Variants in ANTXR1 observed in about 807,000 individuals in gnomAD.
ANTXR1 encodes the protein anthrax toxin receptor 1.
ANTXR1 carries 19 observed loss-of-function variants against 78.1 expected under a neutral mutation model. The ratio of observed to expected loss-of-function variants is 0.24; its 90% CI spans 0.17 to 0.36. The LOEUF (loss-of-function observed/expected upper bound fraction) is 0.36, where lower values mean the gene tolerates loss of function less well. ANTXR1 is among the 10% of genes least tolerant of loss of function. The pLI, the probability that ANTXR1 is intolerant of heterozygous loss-of-function variation, is 1.00. For synonymous variants in ANTXR1, 273 were observed against 260.5 expected (o/e 1.05, Z -0.46); for missense variants, 518 against 718.6 (o/e 0.72, Z 3.19).
chr2:69,213,466 A>C (rs1675099129), intron 17 of ANTXR1, among the ~76,000 whole-genome samples: 2 of 152,258 alleles, frequency 1.3e-5, no homozygotes, highest in African/African-American at 4.8e-5. Context: ...TAAAGGGACC[A>C]GAGCTTCTAT....
chr2:69,124,726 G>A (rs1296781077), intron 12 of ANTXR1, 83 bp downstream of exon 12: 1 of 1,509,146 alleles, frequency 6.6e-7, no homozygotes, highest in South Asian at 1.1e-5. Flanking sequence ...CTTCTCCAAA[G>A]GTACCCTGGA....
intron 17 of ANTXR1, among the ~76,000 whole-genome samples, chr2:69,204,546 T>C (rs976985829): frequency 6.6e-6 from 1 of 152,152 alleles, no homozygotes; most frequent in Admixed American, 6.5e-5. Flanking sequence ...CTTTTTAATA[T>C]AGGAAAGATG....
Position 69,016,332 on chromosome 2 carries a change from T to C in ANTXR1, c.152+2681T>C, listed in dbSNP as rs899713707. On this transcript the variant is annotated intron_variant, in intron 1 of 17. Transcript: ENST00000303714. ...GACAAGAAGATAATTTGGCGACACATATAAAATGCTTTTAAAAAATGAGGG... is the reference window on the plus strand; with the variant it reads ...GACAAGAAGATAATTTGGCGACACACATAAAATGCTTTTAAAAAATGAGGG... Among the ~76,000 whole-genome samples, 9 of 152,324 alleles carry C rather than the reference T, an allele frequency of 5.9e-5. No homozygotes were observed. The East Asian group carries it at 1.3e-3, about 23-fold the overall frequency.
intron 3 of ANTXR1, 95 bp downstream of exon 3, chr2:69,044,908 A>G: frequency 8.1e-7 from 1 of 1,237,272 alleles, no homozygotes; most frequent in South Asian, 1.2e-5. Context: ...CCTGTTGATC[A>G]CTTTAATCTA....
intron 1 of ANTXR1, among the ~76,000 whole-genome samples, chr2:69,021,749 G>A (rs534493347): frequency 2.6e-5 from 4 of 152,316 alleles, no homozygotes; most frequent in Non-Finnish European, 4.4e-5. Flanking sequence ...TACTGAAAAC[G>A]TATAATTATA....
At chr2:69,032,817 A>G (rs1671567429) in intron 1 of ANTXR1, among the ~76,000 whole-genome samples, 1 of 152,116 alleles carries the variant, frequency 6.6e-6, no homozygotes, top group African/African-American at 2.4e-5. Flanking sequence ...AAAGGAGTGC[A>G]TATTTTGCTG....
chr2:69,244,646 A>G (rs1675970851), intron 17 of ANTXR1, among the ~76,000 whole-genome samples: 1 of 152,244 alleles, frequency 6.6e-6, no homozygotes, highest in African/African-American at 2.4e-5. Context: ...TCCTTGAATT[A>G]CAATATAGGA....
At chr2:69,222,982 A>G (rs1181800697) in intron 17 of ANTXR1, among the ~76,000 whole-genome samples, 5 of 152,252 alleles carry the variant, frequency 3.3e-5, no homozygotes, top group Admixed American at 6.5e-5. Context: ...TAAAGAATGC[A>G]CGTCTTTATG....
intron 3 of ANTXR1, among the ~76,000 whole-genome samples, chr2:69,063,528 C>A (rs982837853): frequency 2.0e-5 from 3 of 151,394 alleles, no homozygotes; most frequent in African/African-American, 7.3e-5. Flanking sequence ...TAAAGGAATT[C>A]TTTAGGGTGA....
intron 12 of ANTXR1, among the ~76,000 whole-genome samples, chr2:69,137,305 G>A (rs576928042): frequency 9.3e-4 from 142 of 152,134 alleles, no homozygotes; most frequent in African/African-American, 3.4e-3. Flanking sequence ...AAGCTTCTGG[G>A]TACCTGAATA....
At chr2:69,225,443 G>A (rs181562671) in intron 17 of ANTXR1, among the ~76,000 whole-genome samples, 8 of 152,220 alleles carry the variant, frequency 5.3e-5, no homozygotes, top group East Asian at 3.9e-4. Context: ...TCATGACACC[G>A]CACTCTAGCC....
At chr2:69,116,473 C>T (rs1297715921) in intron 10 of ANTXR1, among the ~76,000 whole-genome samples, 5 of 152,234 alleles carry the variant, frequency 3.3e-5, no homozygotes, top group Non-Finnish European at 7.3e-5. Flanking sequence ...TTCAGCCTAA[C>T]TCCGGCCTGT....
intron 14 of ANTXR1, among the ~76,000 whole-genome samples, chr2:69,178,394 C>T (rs1674188050): frequency 6.6e-6 from 1 of 152,236 alleles, no homozygotes; most frequent in African/African-American, 2.4e-5. Context: ...GGGGATTAAG[C>T]GACGGGCTCG....
At chr2:69,202,305 G>A (rs1674792358) in intron 17 of ANTXR1, among the ~76,000 whole-genome samples, 1 of 152,166 alleles carries the variant, frequency 6.6e-6, no homozygotes, top group African/African-American at 2.4e-5. Context: ...GGAGGAGGGT[G>A]GAGTGTCAAG....
intron 10 of ANTXR1, among the ~76,000 whole-genome samples, chr2:69,111,455 C>A (rs150426546): frequency 3.3e-4 from 50 of 152,296 alleles, no homozygotes; most frequent in African/African-American, 1.2e-3. Context: ...CATGGAGATG[C>A]ATGAGGTATG....
rs556031053 is a variant in ANTXR1, at chr2:69,017,640, C to T, written c.152+3989C>T. On this transcript the variant is annotated intron_variant, in intron 1 of 17. Coordinates refer to ENST00000303714, the MANE Select transcript of ANTXR1 (RefSeq NM_032208.3). ...AATAGGGCATTATTAGTGGCTTTGG[C>T]GACTGGGCTGGTGGACTGGGCTGCA... is the stretch of plus-strand genomic sequence containing the variant. 4.6e-5 allele frequency among the ~76,000 whole-genome samples: 7 copies of T among 152,194 alleles called. No individual in the cohort carries two copies. The South Asian group carries it at 1.5e-3, about 32-fold the overall frequency.
intron 3 of ANTXR1, among the ~76,000 whole-genome samples, chr2:69,056,649 T>C (rs1670075622): frequency 6.6e-6 from 1 of 152,164 alleles, no homozygotes; most frequent in Admixed American, 6.6e-5. Flanking sequence ...GCATAAGCTA[T>C]AATATATATT....
At chr2:69,142,895 A>G (rs1673109381) in intron 12 of ANTXR1, among the ~76,000 whole-genome samples, 1 of 152,210 alleles carries the variant, frequency 6.6e-6, no homozygotes, top group South Asian at 2.1e-4. Context: ...CCTTGTACCT[A>G]GCAGTCCACG....
At chr2:69,152,436 G>A (rs759255131) in intron 13 of ANTXR1, among the ~76,000 whole-genome samples, 172 bp downstream of exon 13, 3 of 152,194 alleles carry the variant, frequency 2.0e-5, no homozygotes, top group Admixed American at 6.5e-5. Flanking sequence ...GGAACCATGA[G>A]TCACCAGCAG....
Sources: gnomAD v4.1 joint callset for allele counts (sites outside exome capture counted in the v4.1 genomes callset) on GRCh38, gnomAD v4.1.1 for gene constraint, MANE v1.5 for transcripts, NCBI Gene and HGNC (gene_info 2026-07-23, HGNC 2026-07-21) for gene names.